The following ARHGEF4 variants were observed in gnomAD, a reference collection of about 807,000 sequenced individuals.
ARHGEF4 encodes APC-stimulated guanine nucleotide exchange factor 1.
In ARHGEF4, 119 loss-of-function variants were observed where a neutral mutation model predicts 162.0. That is an observed-to-expected ratio of 0.73 (90% CI 0.63 to 0.86). ARHGEF4 has a LOEUF of 0.86. Among genes scored for constraint, ARHGEF4 ranks in the 40% least tolerant of loss-of-function variants. The pLI, the probability that ARHGEF4 is intolerant of heterozygous loss-of-function variation, is 0.00. For synonymous variants in ARHGEF4, 1,014 were observed against 979.9 expected (o/e 1.03, Z -0.65); for missense variants, 2,488 against 2,456.0 (o/e 1.01, Z -0.28).
intron 2 of ARHGEF4, among the ~76,000 whole-genome samples, chr2:130,919,506 T>C (rs894433097): frequency 1.2e-4 from 18 of 152,188 alleles, no homozygotes; most frequent in African/African-American, 3.9e-4. Context: ...AAAGACATTT[T>C]AGTGTTAGGC....
At chr2:130,930,417 G>A (rs1682562743) in intron 2 of ARHGEF4, among the ~76,000 whole-genome samples, 1 of 152,100 alleles carries the variant, frequency 6.6e-6, no homozygotes, top group African/African-American at 2.4e-5. Context: ...CTGCTAGTGG[G>A]GGCATATTTT....
At chr2:130,972,672 A>G (rs904325758) in intron 4 of ARHGEF4, among the ~76,000 whole-genome samples, 1 of 152,258 alleles carries the variant, frequency 6.6e-6, no homozygotes, top group South Asian at 2.1e-4. Flanking sequence ...ACTTCAGAAC[A>G]AAACAAAAAC....
At position 130,988,523 on chromosome 2, in the gene ARHGEF4, C is replaced by T. The variant is rs139576672; in HGVS notation, c.3986-39422C>T. On this transcript the variant is annotated intron_variant, in intron 4 of 13. Transcript: ENST00000409359. Reference sequence around the variant, plus strand: ...TACCAAAAAAATCATTCCAAATCTCCAACCCAGAAACAATTGCTATGAACA... The same window carrying T: ...TACCAAAAAAATCATTCCAAATCTCTAACCCAGAAACAATTGCTATGAACA... Among the ~76,000 whole-genome samples the T allele has an allele frequency of 4.5e-3, 688 of 152,294 alleles. 5 individuals are homozygous for T. Among genetic ancestry groups the T allele is most frequent in the African/African-American group, 0.015 (643 of 41,550 alleles).
intron 4 of ARHGEF4, among the ~76,000 whole-genome samples, chr2:130,986,253 G>A (rs887999658): frequency 1.2e-4 from 19 of 152,176 alleles, no homozygotes; most frequent in Non-Finnish European, 2.8e-4. Context: ...CTGCATCAGC[G>A]TCCCTCTTTG....
At chr2:130,919,075 TCTTG>T (rs763999514) in intron 2 of ARHGEF4, among the ~76,000 whole-genome samples, 23 of 152,324 alleles carry the variant, frequency 1.5e-4, no homozygotes, top group South Asian at 6.2e-4. Flanking sequence ...TCTGCATCTT[TCTTG>T]CTTGCTTAAT....
At chr2:130,972,012 A>G (rs1399054589) in intron 4 of ARHGEF4, among the ~76,000 whole-genome samples, 4 of 152,188 alleles carry the variant, frequency 2.6e-5, no homozygotes, top group Non-Finnish European at 5.9e-5. Context: ...CTTTATAAGC[A>G]TTGGCTCCAT....
At chr2:130,930,903 G>C (rs1232196530) in intron 2 of ARHGEF4, 49 bp from the exon 3 acceptor site, 1 of 1,536,142 alleles carries the variant, frequency 6.5e-7, no homozygotes, top group Non-Finnish European at 8.8e-7. Context: ...GTTCCCAGTT[G>C]ATATGTCCTT....
chr2:131,035,178 C>A, intron 5 of ARHGEF4: 2 of 1,220,562 alleles, frequency 1.6e-6, no homozygotes, highest in Middle Eastern at 3.2e-4. Context: ...TGCCCCCCGG[C>A]GCCCAGCGCG....
intron 4 of ARHGEF4, among the ~76,000 whole-genome samples, chr2:130,953,757 C>A (rs1354264453): frequency 6.6e-6 from 1 of 152,204 alleles, no homozygotes; most frequent in Admixed American, 6.5e-5. Flanking sequence ...TGAACAGACA[C>A]TTCTCAAAAG....
intron 3 of ARHGEF4, among the ~76,000 whole-genome samples, chr2:130,941,491 A>G (rs1286237020): frequency 6.6e-6 from 1 of 152,138 alleles, no homozygotes; most frequent in African/African-American, 2.4e-5. Flanking sequence ...GGTGTGAGCC[A>G]CCATACTCAG....
chr2:131,031,875 T>C (rs1306174498), intron 5 of ARHGEF4, among the ~76,000 whole-genome samples: 2 of 152,192 alleles, frequency 1.3e-5, no homozygotes, highest in Non-Finnish European at 2.9e-5. Flanking sequence ...CTGGACTTTT[T>C]CTGAAGCTAA....
At chr2:130,922,931 T>TATATAA (rs756694001) in intron 2 of ARHGEF4, among the ~76,000 whole-genome samples, 2 of 149,922 alleles carry the variant, frequency 1.3e-5, no homozygotes, top group Non-Finnish European at 3.0e-5. Flanking sequence ...ATGATATATA[T>TATATAA]ATATATATAT....
chr2:130,852,924 C>T (rs1480648447), intron 1 of ARHGEF4, among the ~76,000 whole-genome samples: 5 of 152,184 alleles, frequency 3.3e-5, no homozygotes, highest in Non-Finnish European at 7.4e-5. Flanking sequence ...CAGCAGCAGC[C>T]GGCTGCCCCA....
At chr2:130,894,849 G>C (rs947145593) in intron 1 of ARHGEF4, among the ~76,000 whole-genome samples, 4 of 152,060 alleles carry the variant, frequency 2.6e-5, no homozygotes, top group Non-Finnish European at 4.4e-5. Flanking sequence ...TTGTTCAGGG[G>C]ACATGCCCTC....
chr2:131,019,096 T>A (rs1047337321), intron 4 of ARHGEF4, among the ~76,000 whole-genome samples: 5 of 152,210 alleles, frequency 3.3e-5, no homozygotes, highest in African/African-American at 1.2e-4. Context: ...ATTTTAATGA[T>A]GAATTTTTCT....
At chr2:130,884,445 G>A (rs928904708) in intron 1 of ARHGEF4, among the ~76,000 whole-genome samples, 2 of 152,098 alleles carry the variant, frequency 1.3e-5, no homozygotes, top group African/African-American at 4.8e-5. Context: ...CTATGTCTCA[G>A]TGTATTGTTT....
chr2:130,973,654 C>A (rs1234889690), intron 4 of ARHGEF4, among the ~76,000 whole-genome samples: 1 of 152,180 alleles, frequency 6.6e-6, no homozygotes, highest in Non-Finnish European at 1.5e-5. Flanking sequence ...TACAGCATAA[C>A]ATTTCCAAAA....
At chr2:131,004,044 C>T (rs1687945709) in intron 4 of ARHGEF4, among the ~76,000 whole-genome samples, 1 of 152,118 alleles carries the variant, frequency 6.6e-6, no homozygotes, top group African/African-American at 2.4e-5. Flanking sequence ...CCCCTGCACA[C>T]CCTGGGGACA....
chr2:130,852,258 G>A (rs1681463700), intron 1 of ARHGEF4, among the ~76,000 whole-genome samples: 1 of 152,204 alleles, frequency 6.6e-6, no homozygotes. Flanking sequence ...CTGTGCAGTG[G>A]GAGATATGAC....
Sources: gnomAD v4.1 joint callset for allele counts (sites outside exome capture counted in the v4.1 genomes callset) on GRCh38, gnomAD v4.1.1 for gene constraint, MANE v1.5 for transcripts, NCBI Gene and HGNC (gene_info 2026-07-23, HGNC 2026-07-21) for gene names.